FUT8: variants seen among roughly 807,000 people sequenced by gnomAD.
FUT8 encodes fucosyltransferase 8.
FUT8 carries 29 observed loss-of-function variants against 71.3 expected under a neutral mutation model. That is an observed-to-expected ratio of 0.41 (90% CI 0.30 to 0.55). FUT8 has a LOEUF of 0.55. FUT8 is among the 20% of genes least tolerant of loss of function. FUT8 has a pLI of 0.34. For missense variants in FUT8, 544 were observed against 702.1 expected, an observed-to-expected ratio of 0.77 and a Z score of 2.55; for synonymous variants, 254 against 239.3, an observed-to-expected ratio of 1.06 and a Z score of -0.57.
At chr14:65,659,893 A>T (rs180793072) in intron 6 of FUT8, among the ~76,000 whole-genome samples, 1 of 152,198 alleles carries the variant, frequency 6.6e-6, no homozygotes, top group Admixed American at 6.5e-5. Context: ...ATTCAATCTT[A>T]ATTTTGTAAG....
At chr14:65,630,073 G>A (rs1006490313) in intron 6 of FUT8, among the ~76,000 whole-genome samples, 3 of 152,124 alleles carry the variant, frequency 2.0e-5, no homozygotes, top group Admixed American at 6.6e-5. Context: ...GCTCGTAACT[G>A]GGAAAGAACA....
intron 2 of FUT8, chr14:65,457,774 T>TA (rs1448148140): frequency 1.3e-5 from 2 of 152,234 alleles, no homozygotes; most frequent in South Asian, 2.1e-4. Context: ...CATCGGGTTC[T>TA]AAGTCATGAG....
rs542721295 is a variant in FUT8 at position 65,442,601 on chromosome 14, G to A, written c.-325-13020G>A. ...TGTAATCCCAACACTTGGGGAGGCC[G>A]AGGCAGGTGGATTACTTGAGCTTAG... On this transcript the variant is annotated intron_variant, in intron 1 of 10. Transcript: ENST00000673929. Among the ~76,000 whole-genome samples the A allele has an allele frequency of 9.5e-4, 145 of 152,064 alleles. 2 individuals carry two copies. The South Asian group carries it at 0.03, about 31-fold the overall frequency.
the FUT8 span, among the ~76,000 whole-genome samples, chr14:65,379,421 T>G: frequency 0.019 from 2,827 of 151,982 alleles, 88 homozygotes; most frequent in African/African-American, 0.065. Flanking sequence ...TCCCAGCTAC[T>G]CAGGAGGCTG....
chr14:65,412,107 G>C (rs1272681215), upstream of FUT8: 3 of 456,356 alleles, frequency 6.6e-6, no homozygotes, highest in African/African-American at 2.0e-5. Context: ...GGGAGAGGCC[G>C]GGCATCGAAC....
intron 1 of FUT8, among the ~76,000 whole-genome samples, chr14:65,434,079 T>A (rs1484264634): frequency 1.3e-5 from 2 of 152,204 alleles, no homozygotes; most frequent in East Asian, 3.8e-4. Context: ...AAAGAGAGAA[T>A]TTACTATTTT....
chr14:65,657,736 AAAGAAAGAAT>A (rs1467603931), intron 6 of FUT8, among the ~76,000 whole-genome samples: 17 of 152,022 alleles, frequency 1.1e-4, no homozygotes, highest in Non-Finnish European at 2.5e-4. Context: ...AAATAGTTAG[AAAGAAAGAAT>A]AAGAAAGAAA....
intron 6 of FUT8, chr14:65,636,367 T>A (rs1469981300): frequency 6.6e-6 from 1 of 152,178 alleles, no homozygotes; most frequent in Non-Finnish European, 1.5e-5. Context: ...ATTTTGGTTA[T>A]TTCCTTTCTT....
chr14:65,659,249 T>G (rs1891843639), intron 6 of FUT8, among the ~76,000 whole-genome samples: 1 of 151,948 alleles, frequency 6.6e-6, no homozygotes, highest in Admixed American at 6.6e-5. Flanking sequence ...AAATTCATGC[T>G]CAGCTAACAG....
At chr14:65,514,954 T>A (rs1198836742) in intron 2 of FUT8, among the ~76,000 whole-genome samples, 3 of 150,828 alleles carry the variant, frequency 2.0e-5, no homozygotes, top group African/African-American at 7.3e-5. Flanking sequence ...GCATGCAACT[T>A]TGTGTTTTCC....
chr14:65,371,295 C>T, the FUT8 span, among the ~76,000 whole-genome samples: 3 of 152,178 alleles, frequency 2.0e-5, no homozygotes, highest in African/African-American at 4.8e-5. Flanking sequence ...CCCTATCACC[C>T]TACAAATTTT....
intron 2 of FUT8, among the ~76,000 whole-genome samples, chr14:65,526,108 G>C (rs570545252): frequency 6.6e-6 from 1 of 152,238 alleles, no homozygotes; most frequent in South Asian, 2.1e-4. Context: ...TTCAATTCCT[G>C]GATATCCTTG....
intron 1 of FUT8, among the ~76,000 whole-genome samples, chr14:65,437,583 T>G (rs2065581063): frequency 6.6e-6 from 1 of 152,214 alleles, no homozygotes; most frequent in Admixed American, 6.5e-5. Context: ...CAATTTACTG[T>G]TTTGGGACTA....
At chr14:65,523,105 G>T (rs1358583214) in intron 2 of FUT8, among the ~76,000 whole-genome samples, 1 of 152,070 alleles carries the variant, frequency 6.6e-6, no homozygotes, top group African/African-American at 2.4e-5. Context: ...GGGATGGCTG[G>T]GTCAAATGGT....
chr14:65,664,904 A>G, intron 6 of FUT8, among the ~76,000 whole-genome samples: 1 of 152,172 alleles, frequency 6.6e-6, no homozygotes, highest in Admixed American at 6.6e-5. Flanking sequence ...TATATGAAGA[A>G]CTAAGATGCC....
At chr14:65,650,721 AAAAAAAAAC>A (rs1891358028) in intron 6 of FUT8, among the ~76,000 whole-genome samples, 1 of 136,668 alleles carries the variant, frequency 7.3e-6, no homozygotes, top group Non-Finnish European at 1.7e-5. Flanking sequence ...AAAAAAAAAA[AAAAAAAAAC>A]AAAAAAAACC....
intron 1 of FUT8, among the ~76,000 whole-genome samples, chr14:65,454,734 T>C (rs956318934): frequency 6.6e-6 from 1 of 152,244 alleles, no homozygotes; most frequent in African/African-American, 2.4e-5. Context: ...GTCTTTGTAC[T>C]GTTCTTGGGT....
intron 7 of FUT8, among the ~76,000 whole-genome samples, chr14:65,681,634 T>C (rs907657191): frequency 6.6e-6 from 1 of 152,190 alleles, no homozygotes; most frequent in African/African-American, 2.4e-5. Context: ...AAAATCTCAG[T>C]TGTATGTGTG....
At chr14:65,577,454 T>A (rs1455173618) in intron 3 of FUT8, among the ~76,000 whole-genome samples, 8 of 152,144 alleles carry the variant, frequency 5.3e-5, no homozygotes, top group African/African-American at 1.7e-4. Context: ...ACTTTAAAAA[T>A]GGCAATAATA....
Sources: gnomAD v4.1 joint callset for allele counts (sites outside exome capture counted in the v4.1 genomes callset) on GRCh38, gnomAD v4.1.1 for gene constraint, MANE v1.5 for transcripts, NCBI Gene and HGNC (gene_info 2026-07-23, HGNC 2026-07-21) for gene names.